The following TENT5D variants were observed in gnomAD, a reference collection of about 807,000 sequenced individuals.
TENT5D encodes cancer/testis antigen 112.
For synonymous variants in TENT5D, 103 were observed against 100.6 expected, an observed-to-expected ratio of 1.02 and a Z score of -0.15; for missense variants, 191 against 287.0, an observed-to-expected ratio of 0.67 and a Z score of 2.42.
At chrX:80,379,274 A>G (rs1930802741) in intron 3 of TENT5D, among the ~76,000 whole-genome samples, 1 of 109,202 alleles carries the variant, frequency 9.2e-6, no homozygotes, top group South Asian at 4.2e-4. Context: ...ATGTTGAACC[A>G]GCATTGCATC....
Position 80,349,588 on chromosome X carries a change from TA to T in TENT5D, c.-142+7033del, listed in dbSNP as rs112004233. ...CTAGTGGTCTATTTTGTTAATCTTT[TA>T]AAAAAAAACAAGCTCCTGGAATCAT... On this transcript the variant is annotated intron_variant, in intron 3 of 4. Transcript: ENST00000538312. 7.2e-3 allele frequency among the ~76,000 whole-genome samples: 795 copies of T among 109,803 alleles called. 7 individuals are homozygous for T. Among genetic ancestry groups the T allele is most frequent in the African/African-American group, 0.024 (724 of 30,142 alleles).
intron 3 of TENT5D, among the ~76,000 whole-genome samples, chrX:80,406,159 A>T (rs866587747): frequency 5.4e-5 from 6 of 112,019 alleles, no homozygotes; most frequent in Admixed American, 1.9e-4. Flanking sequence ...AGAAAAAAGA[A>T]CAGAAAAACT....
At chrX:80,340,431 TC>T (rs1398332773) in intron 2 of TENT5D, among the ~76,000 whole-genome samples, 12 of 111,345 alleles carry the variant, frequency 1.1e-4, no homozygotes, top group Admixed American at 1.9e-4. Context: ...TTACTACTCT[TC>T]ATTCTAGATT....
At chrX:80,383,543 C>A (rs1332963586) in intron 3 of TENT5D, among the ~76,000 whole-genome samples, 1 of 112,338 alleles carries the variant, frequency 8.9e-6, no homozygotes, top group Non-Finnish European at 1.9e-5. Flanking sequence ...TTTCTCATTG[C>A]TATCATTCCC....
At chrX:80,343,048 A>G (rs938671090) in intron 3 of TENT5D, among the ~76,000 whole-genome samples, 4 of 111,271 alleles carry the variant, frequency 3.6e-5, no homozygotes, top group African/African-American at 9.8e-5. Context: ...TATTTTCTAT[A>G]CTTTACACCC....
chrX:80,339,856 A>AATATATAT (rs750677776), intron 2 of TENT5D, among the ~76,000 whole-genome samples: 8 of 102,133 alleles, frequency 7.8e-5, no homozygotes, highest in African/African-American at 2.9e-4. Flanking sequence ...AGTTATCGGA[A>AATATATAT]ATATATATAT....
At chrX:80,398,868 A>ACCATGAAAGACCCTGAATAG (rs1931338408) in intron 3 of TENT5D, among the ~76,000 whole-genome samples, 2 of 111,297 alleles carry the variant, frequency 1.8e-5, no homozygotes, top group African/African-American at 6.5e-5. Flanking sequence ...TTTCTATGGA[A>ACCATGAAAGACCCTGAATAG]CCATGAAAGA....
intron 3 of TENT5D, among the ~76,000 whole-genome samples, chrX:80,386,557 A>C (rs1394343544): frequency 1.8e-5 from 2 of 111,245 alleles, no homozygotes. Flanking sequence ...AAGTATAATA[A>C]AAAAAATAAA....
At chrX:80,397,863 A>G (rs1179173792) in intron 3 of TENT5D, among the ~76,000 whole-genome samples, 1 of 111,707 alleles carries the variant, frequency 9.0e-6, no homozygotes, top group Non-Finnish European at 1.9e-5. Context: ...GGTTGCAGTG[A>G]GCCGAGATGG....
chrX:80,409,470 G>C (rs897866064), intron 3 of TENT5D, among the ~76,000 whole-genome samples: 1 of 110,971 alleles, frequency 9.0e-6, no homozygotes, highest in Non-Finnish European at 1.9e-5. Context: ...CAAATAGAGA[G>C]CCAAATGAGT....
At chrX:80,412,108 C>A (rs1931681069) in intron 3 of TENT5D, among the ~76,000 whole-genome samples, 1 of 112,945 alleles carries the variant, frequency 8.9e-6, no homozygotes, top group African/African-American at 3.2e-5. Context: ...TGTGCACCTG[C>A]AGGCTCAATG....
intron 3 of TENT5D, among the ~76,000 whole-genome samples, chrX:80,360,312 T>C (rs1460393398): frequency 2.7e-5 from 3 of 112,075 alleles, no homozygotes; most frequent in East Asian, 5.6e-4. Flanking sequence ...AATAACTAAC[T>C]TTTTTTGGAT....
At chrX:80,351,774 G>A (rs991992756) in intron 3 of TENT5D, among the ~76,000 whole-genome samples, 3 of 111,422 alleles carry the variant, frequency 2.7e-5, no homozygotes, top group East Asian at 2.9e-4. Context: ...GTTTTTCCTC[G>A]TGTTCGTGGA....
chrX:80,355,806 G>A (rs1308162908), intron 3 of TENT5D, among the ~76,000 whole-genome samples: 4 of 111,830 alleles, frequency 3.6e-5, no homozygotes, highest in Non-Finnish European at 7.5e-5. Flanking sequence ...CCAAAGATCC[G>A]TTAGGAGTGG....
At chrX:80,405,390 G>T (rs1013859154) in intron 3 of TENT5D, among the ~76,000 whole-genome samples, 1 of 112,236 alleles carries the variant, frequency 8.9e-6, no homozygotes, top group Non-Finnish European at 1.9e-5. Context: ...CAGGTCAGTG[G>T]GTGCACGCAC....
intron 2 of TENT5D, among the ~76,000 whole-genome samples, chrX:80,341,912 C>T (rs926344186): frequency 2.8e-5 from 3 of 107,003 alleles, no homozygotes; most frequent in Admixed American, 2.0e-4. Context: ...GGGGTTTCAC[C>T]GTGTTAGCCA....
intron 3 of TENT5D, among the ~76,000 whole-genome samples, chrX:80,382,671 T>G (rs1440534684): frequency 9.7e-6 from 1 of 103,625 alleles, no homozygotes; most frequent in African/African-American, 3.5e-5. Context: ...CTGGCCACTT[T>G]GTTTACCTAC....
At chrX:80,399,355 A>G (rs1341539031) in intron 3 of TENT5D, among the ~76,000 whole-genome samples, 3 of 111,969 alleles carry the variant, frequency 2.7e-5, no homozygotes, top group Non-Finnish European at 3.8e-5. Flanking sequence ...AACACTACTT[A>G]TTGGAGGGGT....
At chrX:80,358,336 G>A (rs781114931) in intron 3 of TENT5D, among the ~76,000 whole-genome samples, 74 of 111,572 alleles carry the variant, frequency 6.6e-4, no homozygotes, top group Non-Finnish European at 6.2e-4. Flanking sequence ...AAACTAAAGA[G>A]CTTCTGCACA....
Sources: allele counts gnomAD v4.1 joint callset (sites outside exome capture counted in the v4.1 genomes callset), GRCh38; gene constraint gnomAD v4.1.1; transcripts MANE v1.5; gene names NCBI Gene and HGNC (gene_info 2026-07-23, HGNC 2026-07-21).